The following ST6GAL2 variants were observed in gnomAD, a reference collection of about 807,000 sequenced individuals.
ST6GAL2 encodes the protein ST6 beta-galactoside alpha-2,6-sialyltransferase 2, also known as beta-galactoside alpha-2,6-sialyltransferase 2.
A neutral mutation model predicts 37.5 loss-of-function variants in ST6GAL2; 24 were observed. That is an observed-to-expected ratio of 0.64 (90% CI 0.46 to 0.90). The LOEUF (loss-of-function observed/expected upper bound fraction) is 0.90. Ranked by LOEUF, ST6GAL2 falls within the 40% of genes least tolerant of loss-of-function variation. ST6GAL2 has a pLI of 0.00. For missense variants in ST6GAL2, 715 were observed against 712.7 expected, an observed-to-expected ratio of 1.00 and a Z score of -0.04; for synonymous variants, 306 against 295.1, an observed-to-expected ratio of 1.04 and a Z score of -0.38.
rs1193573610 is a variant in ST6GAL2, at chr2:106,805,522, TA to T, written c.*1155del. On this transcript the variant is annotated 3_prime_UTR_variant, in exon 6 of 6. Coordinates refer to ENST00000409382, the MANE Select transcript of ST6GAL2 (RefSeq NM_001142351.2). ...TAATAAGCAATGCTTTCACATAAAT[TA>T]TTTAATTATATGGCTTTGTCATGCT... 6.6e-6 allele frequency: 1 copy of T among 152,196 alleles called. No individual in the cohort carries two copies. Among genetic ancestry groups the T allele is most frequent in the African/African-American group, 2.4e-5 (1 of 41,446 alleles). 9.4% of individuals were successfully genotyped at this position (152,196 alleles called of 1,614,324 possible). A position where few individuals can be genotyped will look rare whatever the true frequency, so the allele number is the denominator to read the frequency against.
In ST6GAL2 at chr2:106,802,497, T is replaced by C. The variant is rs1307411829; in HGVS notation, c.*4181A>G. ...TCATTTAATAAAACAAGAACTTACA[T>C]TTTATTTCCTTGAACGGACAGAGAA... is the stretch of plus-strand genomic sequence containing the variant. On this transcript the variant is annotated 3_prime_UTR_variant, in exon 6 of 6. Transcript: ENST00000409382. 6.6e-6 allele frequency: 1 copy of C among 152,170 alleles called. No individual in the cohort carries two copies. Among genetic ancestry groups the C allele is most frequent in the African/African-American group, 2.4e-5 (1 of 41,440 alleles). The allele number at this position is 152,170 out of a possible 1,614,324, so 9.4% of individuals were successfully genotyped here. A position where few individuals can be genotyped will look rare whatever the true frequency, so the allele number is the denominator to read the frequency against.
Position 106,862,747 on chromosome 2 carries a change from T to G in ST6GAL2, c.-57-18713A>C, listed in dbSNP as rs150991479. Among the ~76,000 whole-genome samples the G allele has an allele frequency of 3.0e-4, 45 of 152,258 alleles. 1 individual carries two copies. The East Asian group carries it at 8.5e-3, about 29-fold the overall frequency. On this transcript the variant is annotated intron_variant, in intron 1 of 5. Coordinates refer to ENST00000409382, the MANE Select transcript of ST6GAL2 (RefSeq NM_001142351.2). ...AGTAAGAAGCATGGGCTGAGAGGAT[T>G]TTACTTTTATTAGGCTTTACTTTAT...
At chr2:106,880,887 G>A (rs1678721908) in intron 1 of ST6GAL2, among the ~76,000 whole-genome samples, 1 of 152,116 alleles carries the variant, frequency 6.6e-6, no homozygotes, top group Admixed American at 6.5e-5. Flanking sequence ...TTATTCCTCT[G>A]GTACCTACTT....
chr2:106,829,440 T>C (rs1676327210), intron 5 of ST6GAL2, among the ~76,000 whole-genome samples: 1 of 152,204 alleles, frequency 6.6e-6, no homozygotes, highest in Admixed American at 6.5e-5. Flanking sequence ...AAAGACTATG[T>C]GCAGGCACAT....
chr2:106,841,288 A>T (rs915147089), intron 2 of ST6GAL2: 2 of 152,266 alleles, frequency 1.3e-5, no homozygotes, highest in African/African-American at 4.8e-5. Flanking sequence ...GACACAGAAC[A>T]ACTAATGGAT....
Position 106,804,856 on chromosome 2 carries a change from A to AAG in ST6GAL2, c.*1821_*1822insCT, listed in dbSNP as rs1553414510. 9 of 150,736 alleles carry AAG rather than the reference A, an allele frequency of 6.0e-5. No homozygotes were observed. The highest frequency in any genetic ancestry group is 6.6e-5 in the Admixed American group (1 of 15,072). The allele number at this position is 150,736 out of a possible 1,614,324, so 9.3% of individuals were successfully genotyped here. A position where few individuals can be genotyped will look rare whatever the true frequency, so the allele number is the denominator to read the frequency against. On this transcript the variant is annotated 3_prime_UTR_variant, in exon 6 of 6. Transcript: ENST00000409382. ...GAGACTGTCTCAAAAAAAAAAAAAAAAAAGAAAAGAAAAGAAATTAGAAAG... is the reference window on the plus strand; with the variant it reads ...GAGACTGTCTCAAAAAAAAAAAAAAAAGAAAGAAAAGAAAAGAAATTAGAAAG...
chr2:106,815,440 G>T (rs1675764707), intron 5 of ST6GAL2, among the ~76,000 whole-genome samples: 1 of 151,982 alleles, frequency 6.6e-6, no homozygotes, highest in East Asian at 1.9e-4. Context: ...CTAAACAAAG[G>T]CATATATTAT....
rs115657798 is a variant in ST6GAL2 at position 106,868,993 on chromosome 2, T to C, written c.-58+17100A>G. Among the ~76,000 whole-genome samples, 1,137 of 152,286 alleles carry C rather than the reference T, an allele frequency of 7.5e-3. 17 individuals are homozygous for C. The highest frequency in any genetic ancestry group is 0.026 in the African/African-American group (1,068 of 41,572). ...CTAGGTTGTAATAAAGCCACATCTA[T>C]GGTGAAAGGAGTTTCTTTTATTTAA... On this transcript the variant is annotated intron_variant, in intron 1 of 5. Coordinates refer to ENST00000409382, the MANE Select transcript of ST6GAL2 (RefSeq NM_001142351.2).
chr2:106,867,048 G>A (rs1194626461), intron 1 of ST6GAL2, among the ~76,000 whole-genome samples: 1 of 152,124 alleles, frequency 6.6e-6, no homozygotes, highest in Non-Finnish European at 1.5e-5. Context: ...GACAATTCAA[G>A]AGGCAAGGAA....
At chr2:106,850,589 C>T (rs976192329) in intron 1 of ST6GAL2, among the ~76,000 whole-genome samples, 3 of 152,144 alleles carry the variant, frequency 2.0e-5, no homozygotes, top group African/African-American at 7.2e-5. Flanking sequence ...AGTCTCAAGG[C>T]AATGTCAAAT....
In ST6GAL2 at chr2:106,832,503, T is replaced by C; in HGVS notation, c.1143+62A>G. The C allele has an allele frequency of 1.1e-5, 9 of 846,586 alleles. No homozygotes were observed. In the Admixed American group the frequency reaches 1.2e-4, roughly 11 times the overall value. 52.4% of individuals were successfully genotyped at this position (846,586 alleles called of 1,614,324 possible). Reference sequence around the variant, plus strand: ...AAGCTTAATCCTTGCCTTGCTCTTATGATTAATTAGTCAAAGCCATTGTCT... The same window carrying C: ...AAGCTTAATCCTTGCCTTGCTCTTACGATTAATTAGTCAAAGCCATTGTCT... On this transcript the variant is annotated intron_variant, in intron 4 of 5. Coordinates refer to ENST00000409382, the MANE Select transcript of ST6GAL2 (RefSeq NM_001142351.2).
chr2:106,840,618 T>C (rs1343012244), intron 2 of ST6GAL2, among the ~76,000 whole-genome samples: 3 of 152,216 alleles, frequency 2.0e-5, no homozygotes, highest in Non-Finnish European at 4.4e-5. Flanking sequence ...TAAAGGCTCA[T>C]GCAAGTGCAT....
intron 5 of ST6GAL2, among the ~76,000 whole-genome samples, chr2:106,819,675 A>G (rs1294365324): frequency 6.6e-6 from 1 of 152,118 alleles, no homozygotes; most frequent in Non-Finnish European, 1.5e-5. Context: ...AAGGTACAAA[A>G]GGTACTCACT....
At chr2:106,863,851 G>A (rs1006794862) in intron 1 of ST6GAL2, among the ~76,000 whole-genome samples, 3 of 152,154 alleles carry the variant, frequency 2.0e-5, no homozygotes, top group Admixed American at 6.5e-5. Flanking sequence ...TCTTACTTGG[G>A]AAGACAGCAC....
chr2:106,840,370 A>G (rs190742374), intron 2 of ST6GAL2, among the ~76,000 whole-genome samples: 2 of 152,318 alleles, frequency 1.3e-5, no homozygotes, highest in East Asian at 3.9e-4. Flanking sequence ...TTGCTTGCAT[A>G]TATTCAGGTG....
Position 106,830,231 on chromosome 2 carries a change from TTTTGTA to T in ST6GAL2, c.1147_1152del (p.Tyr383_Lys384del). The T allele has an allele frequency of 6.2e-7, 1 of 1,609,408 alleles. No individual in the cohort carries two copies. On this transcript the variant is annotated inframe_deletion, in exon 5 of 6. Coordinates refer to ENST00000409382, the MANE Select transcript of ST6GAL2 (RefSeq NM_001142351.2). Reference sequence around the variant, plus strand: ...GGAGTGAACAGGTTGTAATCCGGTTTTTTGTACCACTAAGGAAAAAAAAATCAATGC... The same window carrying T: ...GGAGTGAACAGGTTGTAATCCGGTTTCCACTAAGGAAAAAAAAATCAATGC...
intron 1 of ST6GAL2, among the ~76,000 whole-genome samples, chr2:106,871,559 C>A (rs1286495192): frequency 6.6e-6 from 1 of 152,110 alleles, no homozygotes; most frequent in East Asian, 1.9e-4. Flanking sequence ...TACAGCTGTA[C>A]AAAATATCTT....
At chr2:106,820,896 A>G (rs1191962960) in intron 5 of ST6GAL2, among the ~76,000 whole-genome samples, 1 of 152,076 alleles carries the variant, frequency 6.6e-6, no homozygotes, top group Non-Finnish European at 1.5e-5. Context: ...TTCCTGAATG[A>G]CCAGTGGTCC....
chr2:106,810,397 G>T (rs1675560130), intron 5 of ST6GAL2, among the ~76,000 whole-genome samples: 1 of 152,186 alleles, frequency 6.6e-6, no homozygotes, highest in South Asian at 2.1e-4. Flanking sequence ...CTATGAAAGT[G>T]GGTGTTTGTC....
Sources: gnomAD v4.1 joint callset for allele counts (sites outside exome capture counted in the v4.1 genomes callset) on GRCh38, gnomAD v4.1.1 for gene constraint, MANE v1.5 for transcripts, NCBI Gene and HGNC (gene_info 2026-07-23, HGNC 2026-07-21) for gene names.